The following ZAP70 variants were observed in gnomAD, a reference collection of about 807,000 sequenced individuals.
ZAP70 encodes zeta chain of T cell receptor associated protein kinase 70.
Under a neutral mutation model 65.8 loss-of-function variants are expected in ZAP70, and 27 were observed. That is an observed-to-expected ratio of 0.41 (90% CI 0.30 to 0.57). The LOEUF is 0.57. ZAP70 is among the 20% of genes least tolerant of loss of function. ZAP70 has a pLI of 0.28. For missense variants in ZAP70, 696 were observed against 870.5 expected, an observed-to-expected ratio of 0.80 and a Z score of 2.52; for synonymous variants, 363 against 360.8, an observed-to-expected ratio of 1.01 and a Z score of -0.07.
At chr2:97,732,676 C>A in intron 4 of ZAP70, 2 of 678,430 alleles carry the variant, frequency 2.9e-6, no homozygotes, top group South Asian at 3.8e-5. Context: ...GGAACACAGC[C>A]ATGGCCCCTC....
chr2:97,716,847 G>C (rs35065263), intron 2 of ZAP70, among the ~76,000 whole-genome samples: 1 of 152,064 alleles, frequency 6.6e-6, no homozygotes, highest in Non-Finnish European at 1.5e-5. Context: ...ACGGGGGCCA[G>C]CAAGTCTCAC....
Position 97,731,027 on chromosome 2 carries a change from C to G in ZAP70, c.564-1856C>G, listed in dbSNP as rs2104681696. On this transcript the variant is annotated intron_variant, in intron 4 of 13. Coordinates refer to ENST00000264972, the MANE Select transcript of ZAP70 (RefSeq NM_001079.4). The surrounding 1 kb of genome is among the most constrained non-coding windows in gnomAD (Gnocchi z 4.0). ...CCGAGATCACGCCACTGCACTCCAGCCCGGGCTGTGGAGCGAGACTCGGTC... is the reference window on the plus strand; with the variant it reads ...CCGAGATCACGCCACTGCACTCCAGGCCGGGCTGTGGAGCGAGACTCGGTC... Among the ~76,000 whole-genome samples the G allele has an allele frequency of 6.7e-6, 1 of 149,692 alleles. No homozygotes were observed. Among genetic ancestry groups the G allele is most frequent in the Non-Finnish European group, 1.5e-5 (1 of 67,570 alleles).
chr2:97,725,345 C>G, intron 4 of ZAP70, 93 bp downstream of exon 4: 2 of 1,498,954 alleles, frequency 1.3e-6, no homozygotes, highest in South Asian at 2.4e-5. Context: ...GCAGTTGGGC[C>G]GTAAGGGTGT....
chr2:97,724,802 C>G, intron 3 of ZAP70: 3 of 1,508,554 alleles, frequency 2.0e-6, no homozygotes, highest in Non-Finnish European at 2.7e-6. Context: ...GGAAGATGGG[C>G]AGTAGTCGTC....
intron 2 of ZAP70, among the ~76,000 whole-genome samples, chr2:97,718,101 G>A (rs1025124274): frequency 3.3e-5 from 5 of 152,202 alleles, no homozygotes; most frequent in African/African-American, 1.2e-4. Context: ...GAATGAACAG[G>A]CTCACTGGGG....
chr2:97,749,379 G>A, the ZAP70 span, among the ~76,000 whole-genome samples: 1 of 152,184 alleles, frequency 6.6e-6, no homozygotes. Flanking sequence ...GGGAAAGGAG[G>A]GAGATGGGAG....
chr2:97,745,861 C>A, the ZAP70 span, among the ~76,000 whole-genome samples: 2 of 152,212 alleles, frequency 1.3e-5, no homozygotes, highest in Admixed American at 6.5e-5. Flanking sequence ...AACCAATGTT[C>A]ACTGCAGCAT....
rs747235371 is a variant in ZAP70, at chr2:97,732,869, C to T, written c.564-14C>T. On this transcript the variant is annotated splice_polypyrimidine_tract_variant and intron_variant, in intron 4 of 13. Transcript: ENST00000264972. ...GTGGCTCTAGGGGTTACATCCCCTC[C>T]CTTCCCCTGCCAGGCTGAGGCCGCG... The T allele has an allele frequency of 3.7e-6, 6 of 1,613,774 alleles. No homozygotes were observed. Among genetic ancestry groups the T allele is most frequent in the South Asian group, 3.3e-5 (3 of 91,080 alleles).
intron 4 of ZAP70, among the ~76,000 whole-genome samples, chr2:97,732,035 C>T (rs915294819): frequency 1.1e-4 from 16 of 152,054 alleles, no homozygotes; most frequent in African/African-American, 1.9e-4. Context: ...GCGAGGGTGC[C>T]GGTGTCTGAC....
intron 2 of ZAP70, among the ~76,000 whole-genome samples, chr2:97,717,803 C>A (rs563656174): frequency 1.3e-5 from 2 of 152,330 alleles, no homozygotes; most frequent in East Asian, 3.9e-4. Context: ...GGAATCTGAT[C>A]TCTCTGGAAC....
downstream of ZAP70, among the ~76,000 whole-genome samples, chr2:97,742,898 C>T (rs1054963819): frequency 6.6e-6 from 1 of 152,172 alleles, no homozygotes; most frequent in Non-Finnish European, 1.5e-5. Context: ...TTCTGGGCTT[C>T]ATTTAACAAA....
chr2:97,720,364 A>G (rs1216363990), intron 2 of ZAP70, among the ~76,000 whole-genome samples: 2 of 151,992 alleles, frequency 1.3e-5, no homozygotes, highest in Non-Finnish European at 2.9e-5. Context: ...AGGAGCTGGG[A>G]CTACAGGCGC....
intron 9 of ZAP70, 96 bp from the exon 10 acceptor site, chr2:97,735,154 C>G: frequency 6.7e-7 from 1 of 1,482,702 alleles, no homozygotes; most frequent in Non-Finnish European, 9.3e-7. Flanking sequence ...GTCTACCACA[C>G]AACTCAAGGG....
chr2:97,743,070 A>T (rs76565990), downstream of ZAP70, among the ~76,000 whole-genome samples: 22 of 152,322 alleles, frequency 1.4e-4, 1 homozygote, highest in East Asian at 4.0e-3. Context: ...GCTCAGCACC[A>T]ACCTTATACT....
At chr2:97,755,895 G>A in the ZAP70 span, among the ~76,000 whole-genome samples, 1 of 152,204 alleles carries the variant, frequency 6.6e-6, no homozygotes, top group African/African-American at 2.4e-5. Context: ...CAGAAGGAAG[G>A]CAGCACAGTG....
Position 97,731,728 on chromosome 2 carries a change from C to A in ZAP70, c.564-1155C>A, listed in dbSNP as rs1348476650. Among the ~76,000 whole-genome samples the A allele has an allele frequency of 2.6e-5, 4 of 152,212 alleles. No individual in the cohort carries two copies. The highest frequency in any genetic ancestry group is 9.7e-5 in the African/African-American group (4 of 41,442). On this transcript the variant is annotated intron_variant, in intron 4 of 13. Transcript: ENST00000264972. This position sits in a 1 kb window ranked among gnomAD's most constrained non-coding sequence, Gnocchi z 4.0. Reference sequence around the variant, plus strand: ...TCCCTGCGCTGAGAACAGTGCCTGGCCTGTCAGTAAAGACTTGTCCAGTGA... The same window carrying A: ...TCCCTGCGCTGAGAACAGTGCCTGGACTGTCAGTAAAGACTTGTCCAGTGA...
rs1440901340 is a variant in ZAP70 at position 97,737,719 on chromosome 2, C to T, written c.1483-38C>T. On this transcript the variant is annotated intron_variant, in intron 11 of 13. Coordinates refer to ENST00000264972, the MANE Select transcript of ZAP70 (RefSeq NM_001079.4). This position sits in a 1 kb window ranked among gnomAD's most constrained non-coding sequence, Gnocchi z 5.0. ...TGGATGGGCTGGGTGGGTAGAGGGT[C>T]CCTGACCCCTGATCCAGCAGCATCT... 1 of 1,614,082 alleles carries T rather than the reference C, an allele frequency of 6.2e-7. No individual in the cohort carries two copies. Among genetic ancestry groups the T allele is most frequent in the Admixed American group, 1.7e-5 (1 of 60,014 alleles).
Position 97,715,309 on chromosome 2 carries a change from T to C in ZAP70, c.-22+1315T>C, listed in dbSNP as rs910047908. Among the ~76,000 whole-genome samples, 1 of 152,188 alleles carries C rather than the reference T, an allele frequency of 6.6e-6. No individual in the cohort carries two copies. The highest frequency in any genetic ancestry group is 2.4e-5 in the African/African-American group (1 of 41,440). On this transcript the variant is annotated intron_variant, in intron 2 of 13. Transcript: ENST00000264972. This position sits in a 1 kb window ranked among gnomAD's most constrained non-coding sequence, Gnocchi z 4.1. ...TGTGACCCAGCGGGTGTTACTGGCA[T>C]CCAGCATGTCCAGGACAGGAATCCT...
chr2:97,729,070 C>A (rs1400283042), intron 4 of ZAP70, among the ~76,000 whole-genome samples: 1 of 152,114 alleles, frequency 6.6e-6, no homozygotes, highest in Non-Finnish European at 1.5e-5. Context: ...TGTTTCTTAT[C>A]CTCTCCTGGA....
Sources: allele counts gnomAD v4.1 joint callset (sites outside exome capture counted in the v4.1 genomes callset), GRCh38; gene constraint gnomAD v4.1.1; non-coding constraint Gnocchi (gnomAD v3.1); transcripts MANE v1.5; gene names NCBI Gene and HGNC (gene_info 2026-07-23, HGNC 2026-07-21).